The following CSMD1 variants were observed in gnomAD, a reference collection of about 807,000 sequenced individuals.
CSMD1 encodes the protein CUB and sushi domain-containing protein 1.
A neutral mutation model predicts 417.5 loss-of-function variants in CSMD1; 213 were observed. That is an observed-to-expected ratio of 0.51 (90% CI 0.46 to 0.57). CSMD1 has a LOEUF of 0.57. Ranked by LOEUF, CSMD1 falls within the 20% of genes least tolerant of loss-of-function variation. The pLI is 0.00. For synonymous variants in CSMD1, 2,862 were observed against 1,736.8 expected, an observed-to-expected ratio of 1.65 and a Z score of -16.11; for missense variants, 6,923 against 4,529.7, an observed-to-expected ratio of 1.53 and a Z score of -15.17.
At chr8:4,710,223 C>G (rs963824768) in intron 1 of CSMD1, among the ~76,000 whole-genome samples, 6 of 151,748 alleles carry the variant, frequency 4.0e-5, no homozygotes, top group Non-Finnish European at 7.4e-5. Context: ...TCAGTGTGCT[C>G]TTATTCAAGG....
chr8:3,843,078 G>C (rs1347221505), intron 5 of CSMD1, among the ~76,000 whole-genome samples: 1 of 152,058 alleles, frequency 6.6e-6, no homozygotes, highest in Non-Finnish European at 1.5e-5. Flanking sequence ...TTCTATTTCA[G>C]TATCGTTTTC....
At chr8:4,153,512 T>A (rs929861441) in intron 3 of CSMD1, among the ~76,000 whole-genome samples, 1 of 152,218 alleles carries the variant, frequency 6.6e-6, no homozygotes. Context: ...TCACAATTGT[T>A]GAATTACAAA....
At chr8:4,216,070 G>C (rs1411467311) in intron 3 of CSMD1, among the ~76,000 whole-genome samples, 2 of 152,180 alleles carry the variant, frequency 1.3e-5, no homozygotes, top group East Asian at 3.9e-4. Flanking sequence ...GGAAGAAAGG[G>C]AGGTCACTAT....
chr8:3,682,125 G>A (rs1220087229), intron 7 of CSMD1, among the ~76,000 whole-genome samples: 2 of 152,158 alleles, frequency 1.3e-5, no homozygotes, highest in African/African-American at 4.8e-5. Context: ...CAGGACATAG[G>A]CATGGGCAAG....
At chr8:3,478,984 C>G (rs987849824) in intron 11 of CSMD1, among the ~76,000 whole-genome samples, 1 of 152,016 alleles carries the variant, frequency 6.6e-6, no homozygotes, top group Non-Finnish European at 1.5e-5. Context: ...TCCGACCTCC[C>G]TCATCGCCTC....
In CSMD1 at chr8:3,718,182, T is replaced by C. The variant is rs74395155; in HGVS notation, c.932-9691A>G. On this transcript the variant is annotated intron_variant, in intron 6 of 69. Coordinates refer to ENST00000635120, the MANE Select transcript of CSMD1 (RefSeq NM_033225.6). ...TGGTCTGTACATTACGAGAAGCGAGTTGTTAGTACAATAACTCTTTCTTTT... is the reference window on the plus strand; with the variant it reads ...TGGTCTGTACATTACGAGAAGCGAGCTGTTAGTACAATAACTCTTTCTTTT... 4.0e-3 allele frequency among the ~76,000 whole-genome samples: 602 copies of C among 152,150 alleles called. 7 individuals carry two copies. The highest frequency in any genetic ancestry group is 0.013 in the African/African-American group (559 of 41,510).
chr8:4,563,397 T>C, intron 2 of CSMD1, among the ~76,000 whole-genome samples: 1 of 152,012 alleles, frequency 6.6e-6, no homozygotes, highest in Non-Finnish European at 1.5e-5. Flanking sequence ...CGACACTCTG[T>C]CTCTACAAAA....
intron 7 of CSMD1, among the ~76,000 whole-genome samples, chr8:3,644,226 C>G (rs1192482102): frequency 6.6e-6 from 1 of 152,128 alleles, no homozygotes; most frequent in Non-Finnish European, 1.5e-5. Context: ...CAATAAACTC[C>G]CCAGGTCGTT....
intron 25 of CSMD1, among the ~76,000 whole-genome samples, chr8:3,293,186 G>A (rs369682328): frequency 9.2e-5 from 14 of 152,244 alleles, no homozygotes; most frequent in Admixed American, 3.9e-4. Context: ...AGTTTTTGCC[G>A]AGAGATCCGC....
chr8:4,105,101 A>T (rs796478578), intron 3 of CSMD1, among the ~76,000 whole-genome samples: 23 of 152,224 alleles, frequency 1.5e-4, no homozygotes, highest in African/African-American at 5.3e-4. Context: ...GAGGGTTTTA[A>T]TGTGTCCTTA....
At chr8:4,326,233 TGGTCTAAGATGACCAAAGACTGCA>T (rs1445804431) in intron 3 of CSMD1, among the ~76,000 whole-genome samples, 1 of 152,152 alleles carries the variant, frequency 6.6e-6, no homozygotes, top group African/African-American at 2.4e-5. Context: ...TGAAAACCAT[TGGTCTAAGATGACCAAAGACTGCA>T]GATCATCTTC....
rs1799970523 is a variant in CSMD1 at position 3,795,065 on chromosome 8, T to TATCTATCATGTATAGCTATAGATAC, written c.819-41024_819-41023insGTATCTATAGCTATACATGATAGAT. ...TATCTATCATGTATAGCTATAGATA[T>TATCTATCATGTATAGCTATAGATAC]ATATCTATCATGTACAGCTATAGAT... On this transcript the variant is annotated intron_variant, in intron 5 of 69. Transcript: ENST00000635120. 5.2e-4 allele frequency among the ~76,000 whole-genome samples: 41 copies of TATCTATCATGTATAGCTATAGATAC among 79,330 alleles called. 1 individual carries two copies. Among genetic ancestry groups the TATCTATCATGTATAGCTATAGATAC allele is most frequent in the African/African-American group, 1.6e-3 (31 of 19,556 alleles). 52.0% of individuals were successfully genotyped at this position (79,330 alleles called of 152,430 possible).
intron 1 of CSMD1, among the ~76,000 whole-genome samples, chr8:4,793,007 TC>T (rs1432749248): frequency 6.9e-6 from 1 of 144,474 alleles, no homozygotes; most frequent in Non-Finnish European, 1.5e-5. Flanking sequence ...TATATATATA[TC>T]TCCACACACA....
intron 5 of CSMD1, among the ~76,000 whole-genome samples, chr8:3,978,524 C>T (rs1460828612): frequency 6.6e-6 from 1 of 152,084 alleles, no homozygotes; most frequent in Non-Finnish European, 1.5e-5. Flanking sequence ...GCCTGAAACA[C>T]ACTTATGTGA....
intron 7 of CSMD1, among the ~76,000 whole-genome samples, chr8:3,621,934 C>T (rs1215349921): frequency 6.6e-6 from 1 of 151,638 alleles, no homozygotes; most frequent in Non-Finnish European, 1.5e-5. Context: ...TGGTTAAAAC[C>T]AGCAAGCCTG....
At chr8:4,295,726 CTGTG>C (rs200937923) in intron 3 of CSMD1, among the ~76,000 whole-genome samples, 3 of 123,870 alleles carry the variant, frequency 2.4e-5, no homozygotes, top group African/African-American at 5.9e-5. Flanking sequence ...TTATATATAT[CTGTG>C]TGTGTGTATA....
intron 2 of CSMD1, among the ~76,000 whole-genome samples, chr8:4,568,300 G>A (rs1413560711): frequency 1.3e-5 from 2 of 151,920 alleles, no homozygotes; most frequent in South Asian, 4.2e-4. Context: ...CACCCGAAAG[G>A]CCCGTCTATG....
intron 25 of CSMD1, among the ~76,000 whole-genome samples, chr8:3,298,938 T>C (rs1804175014): frequency 1.3e-5 from 2 of 152,152 alleles, no homozygotes; most frequent in South Asian, 2.1e-4. Context: ...CACATGGCAG[T>C]TTTTATGCTA....
At chr8:3,946,558 A>AAAAC (rs751428319) in intron 5 of CSMD1, among the ~76,000 whole-genome samples, 37 of 152,250 alleles carry the variant, frequency 2.4e-4, no homozygotes, top group South Asian at 2.1e-4. Context: ...TCAATTCCTA[A>AAAAC]AAACAAACAA....
Sources: gnomAD v4.1 joint callset for allele counts (sites outside exome capture counted in the v4.1 genomes callset) on GRCh38, gnomAD v4.1.1 for gene constraint, MANE v1.5 for transcripts, NCBI Gene and HGNC (gene_info 2026-07-23, HGNC 2026-07-21) for gene names.